PRKN: variants seen among roughly 807,000 people sequenced by gnomAD.
The protein encoded by PRKN is E3 ubiquitin-protein ligase parkin.
PRKN carries 56 observed loss-of-function variants against 59.5 expected under a neutral mutation model. The ratio of observed to expected loss-of-function variants is 0.94; its 90% CI spans 0.76 to 1.18. The LOEUF is 1.18. Ranked by LOEUF, PRKN falls within the 50% of genes most tolerant of loss-of-function variation. The pLI, the probability that PRKN is intolerant of heterozygous loss-of-function variation, is 0.00. For missense variants in PRKN, 657 were observed against 596.4 expected, an observed-to-expected ratio of 1.10 and a Z score of -1.06; for synonymous variants, 250 against 222.1, an observed-to-expected ratio of 1.13 and a Z score of -1.12.
At chr6:161,500,024 C>A (rs549382014) in intron 9 of PRKN, among the ~76,000 whole-genome samples, 1 of 150,110 alleles carries the variant, frequency 6.7e-6, no homozygotes, top group South Asian at 2.1e-4. Context: ...AGTCCTTCGG[C>A]CATGTTTCCT....
At chr6:162,409,150 C>T (rs1172321247) in intron 2 of PRKN, among the ~76,000 whole-genome samples, 5 of 151,772 alleles carry the variant, frequency 3.3e-5, no homozygotes, top group African/African-American at 7.3e-5. Flanking sequence ...TAGTAACTCC[C>T]TCCCTTTTCT....
intron 9 of PRKN, among the ~76,000 whole-genome samples, chr6:161,531,938 T>C (rs1376363886): frequency 1.3e-5 from 2 of 152,128 alleles, no homozygotes; most frequent in African/African-American, 2.4e-5. Context: ...AAAAAGTCTT[T>C]GCAAATACCA....
At chr6:162,547,007 G>A (rs1336093255) in intron 1 of PRKN, among the ~76,000 whole-genome samples, 1 of 152,128 alleles carries the variant, frequency 6.6e-6, no homozygotes, top group African/African-American at 2.4e-5. Flanking sequence ...CCACCAAGGG[G>A]CTTGCTATTC....
chr6:162,083,462 G>A (rs571334341), intron 4 of PRKN, among the ~76,000 whole-genome samples: 3 of 152,188 alleles, frequency 2.0e-5, no homozygotes, highest in African/African-American at 7.2e-5. Context: ...ATGCAATAAA[G>A]TGAGGTGCGC....
intron 7 of PRKN, among the ~76,000 whole-genome samples, chr6:161,723,919 C>T (rs1392347094): frequency 6.6e-6 from 1 of 152,200 alleles, no homozygotes; most frequent in Non-Finnish European, 1.5e-5. Flanking sequence ...GCTCGGTCTT[C>T]AAGACACCTG....
intron 9 of PRKN, among the ~76,000 whole-genome samples, chr6:161,523,148 C>A (rs973786649): frequency 2.0e-5 from 3 of 152,104 alleles, no homozygotes; most frequent in Non-Finnish European, 4.4e-5. Context: ...ATAATAAAGA[C>A]ATGGTTGAAT....
intron 7 of PRKN, among the ~76,000 whole-genome samples, chr6:161,668,523 TCACCATCATGACCAGAAAGAGTTG>T (rs1784800958): frequency 6.6e-6 from 1 of 152,294 alleles, no homozygotes; most frequent in African/African-American, 2.4e-5. Context: ...CTAATGTTGA[TCACCATCATGACCAGAAAGAGTTG>T]CACCAACATG....
intron 1 of PRKN, among the ~76,000 whole-genome samples, chr6:162,668,333 G>A (rs1779181204): frequency 6.6e-6 from 1 of 152,168 alleles, no homozygotes; most frequent in Non-Finnish European, 1.5e-5. Context: ...TCTAGTAATA[G>A]TCCAACATCT....
At chr6:162,441,662 C>G (rs1790059781) in intron 2 of PRKN, among the ~76,000 whole-genome samples, 3 of 152,154 alleles carry the variant, frequency 2.0e-5, no homozygotes, top group Admixed American at 2.0e-4. Context: ...AAAGAGCAGT[C>G]TCCATGAAAA....
At chr6:161,764,820 A>G (rs1467613359) in intron 7 of PRKN, among the ~76,000 whole-genome samples, 1 of 152,212 alleles carries the variant, frequency 6.6e-6, no homozygotes, top group Non-Finnish European at 1.5e-5. Flanking sequence ...ATAGCTCTGT[A>G]GTCTTTTCTA....
chr6:162,278,047 A>G (rs1780713536), intron 2 of PRKN, among the ~76,000 whole-genome samples: 1 of 152,238 alleles, frequency 6.6e-6, no homozygotes, highest in Non-Finnish European at 1.5e-5. Context: ...GTGAATGGAT[A>G]AAGTATCAGA....
At chr6:162,639,407 T>C (rs577507426) in intron 1 of PRKN, among the ~76,000 whole-genome samples, 1 of 152,190 alleles carries the variant, frequency 6.6e-6, no homozygotes, top group Non-Finnish European at 1.5e-5. Flanking sequence ...CCAGTTGAAA[T>C]TAAAATTTGA....
At chr6:161,898,234 C>G (rs1259823372) in intron 6 of PRKN, among the ~76,000 whole-genome samples, 3 of 152,028 alleles carry the variant, frequency 2.0e-5, no homozygotes, top group African/African-American at 7.2e-5. Context: ...AATCAGCAAT[C>G]AGATCAATTT....
chr6:162,564,225 A>T (rs2128206913), intron 1 of PRKN, among the ~76,000 whole-genome samples: 1 of 152,128 alleles, frequency 6.6e-6, no homozygotes, highest in South Asian at 2.1e-4. Flanking sequence ...GGTGCCTGTA[A>T]TCCCAGCTAG....
chr6:161,642,352 T>C (rs971827512), intron 7 of PRKN, among the ~76,000 whole-genome samples: 1 of 152,214 alleles, frequency 6.6e-6, no homozygotes, highest in Non-Finnish European at 1.5e-5. Context: ...GATATAGATA[T>C]TTGATGCCTT....
intron 7 of PRKN, among the ~76,000 whole-genome samples, chr6:161,711,351 A>G (rs1419958596): frequency 6.6e-6 from 1 of 152,230 alleles, no homozygotes; most frequent in Admixed American, 6.5e-5. Flanking sequence ...GCATGTATAC[A>G]TTATACATGA....
rs570977473 is a variant in PRKN, at chr6:162,682,568, C to T, written c.7+45094G>A. On this transcript the variant is annotated intron_variant, in intron 1 of 11. Transcript: ENST00000366898. ...GCTAAACATTGAATACACATAGACA[C>T]AAAGAGGGGAACAACAGGTACTGGG... 8.5e-5 allele frequency among the ~76,000 whole-genome samples: 13 copies of T among 152,090 alleles called. No homozygotes were observed. In the South Asian group the frequency reaches 2.7e-3, roughly 32 times the overall value.
intron 2 of PRKN, among the ~76,000 whole-genome samples, chr6:162,356,807 A>C (rs1021392605): frequency 4.0e-5 from 6 of 151,388 alleles, no homozygotes; most frequent in Non-Finnish European, 7.4e-5. Context: ...TGGAGATCCC[A>C]GAAATAGATC....
At chr6:162,020,160 C>A (rs962167354) in intron 5 of PRKN, among the ~76,000 whole-genome samples, 1 of 151,774 alleles carries the variant, frequency 6.6e-6, no homozygotes, top group South Asian at 2.1e-4. Context: ...CTGCGGAGAA[C>A]AACTGTGTTT....
Sources: allele counts gnomAD v4.1 joint callset (sites outside exome capture counted in the v4.1 genomes callset), GRCh38; gene constraint gnomAD v4.1.1; transcripts MANE v1.5; gene names NCBI Gene and HGNC (gene_info 2026-07-23, HGNC 2026-07-21).